The following DRC11 variants were observed in gnomAD, a reference collection of about 807,000 sequenced individuals.
DRC11 encodes the protein IQ and AAA domain-containing protein 1.
At chr2:236,461,903 G>A in the DRC11 span, among the ~76,000 whole-genome samples, 1 of 152,134 alleles carries the variant, frequency 6.6e-6, no homozygotes, top group East Asian at 1.9e-4. The surrounding 1 kb of genome is among the most constrained non-coding windows in gnomAD (Gnocchi z 4.0). Flanking sequence ...AGGAACCTGG[G>A]AGGGAACAGT....
the DRC11 span, among the ~76,000 whole-genome samples, chr2:236,481,825 A>C: frequency 6.6e-6 from 1 of 151,172 alleles, no homozygotes; most frequent in Non-Finnish European, 1.5e-5. Flanking sequence ...TGAAATCTAT[A>C]TACTTTAGAA....
chr2:236,435,109 G>A, the DRC11 span, among the ~76,000 whole-genome samples: 1 of 152,184 alleles, frequency 6.6e-6, no homozygotes, highest in African/African-American at 2.4e-5. Context: ...TAACTCTGAG[G>A]GCTCTTGGAG....
the DRC11 span, among the ~76,000 whole-genome samples, chr2:236,413,213 GAAGA>G: frequency 3.9e-5 from 6 of 152,294 alleles, no homozygotes; most frequent in Non-Finnish European, 8.8e-5. The surrounding 1 kb of genome is among the most constrained non-coding windows in gnomAD (Gnocchi z 4.0). Context: ...TTGAAAACAT[GAAGA>G]AAGTCCACAC....
chr2:236,460,673 T>G, the DRC11 span, among the ~76,000 whole-genome samples: 1 of 152,316 alleles, frequency 6.6e-6, no homozygotes, highest in East Asian at 1.9e-4. This position sits in a 1 kb window ranked among gnomAD's most constrained non-coding sequence, Gnocchi z 4.0. Flanking sequence ...ACCCCACCAC[T>G]CTAGCGGCTA....
chr2:236,360,710 A>G, the DRC11 span, among the ~76,000 whole-genome samples: 2 of 152,204 alleles, frequency 1.3e-5, no homozygotes, highest in East Asian at 3.8e-4. This position sits in a 1 kb window ranked among gnomAD's most constrained non-coding sequence, Gnocchi z 5.8. Flanking sequence ...CAATAGATGA[A>G]AAACAGAGAA....
the DRC11 span, among the ~76,000 whole-genome samples, chr2:236,413,381 T>C: frequency 6.6e-6 from 1 of 152,206 alleles, no homozygotes; most frequent in South Asian, 2.1e-4. This position sits in a 1 kb window ranked among gnomAD's most constrained non-coding sequence, Gnocchi z 4.0. Context: ...TCTCTTATTG[T>C]ATTTCAGTGG....
chr2:236,419,276 T>G, the DRC11 span: 1 of 1,524,076 alleles, frequency 6.6e-7, no homozygotes, highest in Admixed American at 2.4e-5. This position sits in a 1 kb window ranked among gnomAD's most constrained non-coding sequence, Gnocchi z 4.8. Flanking sequence ...AATAACCTAG[T>G]GAAAACCAAA....
chr2:236,458,531 C>T, the DRC11 span, among the ~76,000 whole-genome samples: 77 of 152,264 alleles, frequency 5.1e-4, no homozygotes, highest in African/African-American at 1.6e-3. Flanking sequence ...AGCAAATGTA[C>T]ATATAAAATG....
chr2:236,491,196 A>ATATATATATATATACACACAG, the DRC11 span, among the ~76,000 whole-genome samples: 1 of 63,204 alleles, frequency 1.6e-5, no homozygotes, highest in African/African-American at 8.2e-5. Context: ...CAGTATATAT[A>ATATATATATATATACACACAG]TATATATATA....
chr2:236,413,414 A>G, the DRC11 span, among the ~76,000 whole-genome samples: 1 of 152,200 alleles, frequency 6.6e-6, no homozygotes, highest in Non-Finnish European at 1.5e-5. The surrounding 1 kb of genome is among the most constrained non-coding windows in gnomAD (Gnocchi z 4.0). Context: ...CTCCAGACAT[A>G]CATTTCCTTG....
At chr2:236,477,873 GT>G in the DRC11 span, among the ~76,000 whole-genome samples, 1 of 151,934 alleles carries the variant, frequency 6.6e-6, no homozygotes, top group African/African-American at 2.4e-5. Flanking sequence ...CTGTGGTATC[GT>G]TGTTAAGTCT....
chr2:236,377,033 C>T, the DRC11 span: 31 of 1,051,260 alleles, frequency 2.9e-5, no homozygotes, highest in African/African-American at 1.3e-4. The surrounding 1 kb of genome is among the most constrained non-coding windows in gnomAD (Gnocchi z 4.9). Flanking sequence ...AACATATTTC[C>T]GGCTGCTGGG....
At chr2:236,375,649 C>T in the DRC11 span, among the ~76,000 whole-genome samples, 1 of 152,292 alleles carries the variant, frequency 6.6e-6, no homozygotes, top group African/African-American at 2.4e-5. This position sits in a 1 kb window ranked among gnomAD's most constrained non-coding sequence, Gnocchi z 4.2. Context: ...ATTAAAATAA[C>T]CACCCTTTGA....
the DRC11 span, chr2:236,399,396 C>A: frequency 1.2e-6 from 2 of 1,607,234 alleles, no homozygotes. The surrounding 1 kb of genome is among the most constrained non-coding windows in gnomAD (Gnocchi z 7.0). Flanking sequence ...TGACCATGCA[C>A]GTTCTCCTAA....
the DRC11 span, among the ~76,000 whole-genome samples, chr2:236,485,080 T>C: frequency 2.0e-5 from 3 of 152,218 alleles, no homozygotes; most frequent in African/African-American, 7.2e-5. Flanking sequence ...AGGTTTCTTC[T>C]CCTTTGGTCA....
chr2:236,440,766 CA>C, the DRC11 span, among the ~76,000 whole-genome samples: 1 of 152,042 alleles, frequency 6.6e-6, no homozygotes, highest in Admixed American at 6.6e-5. Flanking sequence ...GACCAGAACA[CA>C]AAGGGCTCCT....
At chr2:236,347,818 G>A in the DRC11 span, among the ~76,000 whole-genome samples, 2 of 150,880 alleles carry the variant, frequency 1.3e-5, no homozygotes, top group Non-Finnish European at 2.9e-5. Context: ...ACTTACTCAT[G>A]TAACCAAATA....
At chr2:236,491,153 C>CACAGTATATATAT in the DRC11 span, among the ~76,000 whole-genome samples, 2 of 52,026 alleles carry the variant, frequency 3.8e-5, no homozygotes, top group African/African-American at 2.1e-4. Context: ...TATATATATA[C>CACAGTATATATAT]ACACAGTATA....
chr2:236,314,125 A>G, the DRC11 span, among the ~76,000 whole-genome samples: 1 of 152,236 alleles, frequency 6.6e-6, no homozygotes, highest in African/African-American at 2.4e-5. This position sits in a 1 kb window ranked among gnomAD's most constrained non-coding sequence, Gnocchi z 4.5. Context: ...ATATTATACT[A>G]TAATTGTGCA....
Sources: allele counts gnomAD v4.1 joint callset (sites outside exome capture counted in the v4.1 genomes callset), GRCh38; gene constraint gnomAD v4.1.1; non-coding constraint Gnocchi (gnomAD v3.1); transcripts MANE v1.5; gene names NCBI Gene and HGNC (gene_info 2026-07-23, HGNC 2026-07-21).